CEP41: variants seen among roughly 807,000 people sequenced by gnomAD.
CEP41 encodes the protein centrosomal protein of 41 kDa.
Under a neutral mutation model 44.3 loss-of-function variants are expected in CEP41, and 32 were observed. The observed-to-expected ratio is 0.72, with a 90% confidence interval of 0.54 to 0.97. CEP41 has a LOEUF of 0.97. CEP41 is among the 50% of genes least tolerant of loss of function. CEP41 has a pLI of 0.00. For synonymous variants in CEP41, 151 were observed against 168.5 expected (o/e 0.90, Z 0.80); for missense variants, 432 against 455.2 (o/e 0.95, Z 0.46).
intron 2 of CEP41, chr7:130,421,103 AGAGGAAG>A (rs1797495298): frequency 1.0e-6 from 1 of 984,966 alleles, no homozygotes; most frequent in South Asian, 4.7e-5. Context: ...ATTAGAATCA[AGAGGAAG>A]AAACAACCCG....
chr7:130,411,146 C>G lies in CEP41; in HGVS notation c.253G>C (p.Ala85Pro), dbSNP rs946180222. ...CCTTCCAGCCTTTGAATCTCCTCAG[C>G]TGTCACTTCCAGTGTTTGATCAGAG... ...SLSDQTLEVT[A>P]EEIQRLEDND... Residue 85 changes from alanine to proline, a missense_variant, in exon 5 of 11, where the codon GCT becomes CCT. Ala to Pro is a conservative substitution (Grantham distance 27). Coordinates refer to ENST00000223208, the MANE Select transcript of CEP41 (RefSeq NM_018718.3). 9 of 1,614,124 alleles carry G rather than the reference C, an allele frequency of 5.6e-6. No individual in the cohort carries two copies. Among genetic ancestry groups the G allele is most frequent in the Non-Finnish European group, 6.8e-6 (8 of 1,179,966 alleles).
chr7:130,402,450 T>C (rs1400647913), intron 7 of CEP41, among the ~76,000 whole-genome samples, 198 bp downstream of exon 7: 1 of 152,180 alleles, frequency 6.6e-6, no homozygotes, highest in Non-Finnish European at 1.5e-5. Context: ...TCCCTGCTTC[T>C]GACAGCCATC....
chr7:130,434,541 A>G (rs1457146655), intron 1 of CEP41, among the ~76,000 whole-genome samples: 6 of 152,216 alleles, frequency 3.9e-5, no homozygotes, highest in Non-Finnish European at 8.8e-5. Context: ...AGGTAGTCAA[A>G]AACAACCTAA....
At chr7:130,404,525 A>G in intron 6 of CEP41, 39 bp downstream of exon 6, 1 of 1,591,210 alleles carries the variant, frequency 6.3e-7, no homozygotes, top group South Asian at 1.1e-5. Context: ...ATTAATATAA[A>G]GGCAAAATGC....
chr7:130,401,527 A>T (rs1457022127), intron 8 of CEP41, among the ~76,000 whole-genome samples: 1 of 152,170 alleles, frequency 6.6e-6, no homozygotes, highest in Non-Finnish European at 1.5e-5. Flanking sequence ...TTCTGCTTGT[A>T]TAATTTTTAT....
Position 130,411,243 on chromosome 7 carries a change from C to T in CEP41, c.208-52G>A, listed in dbSNP as rs540981873. ...GGATGTTTGTTTGTTTTTAAACAGA[C>T]GCAATTTTGTCTTTTACAAAAGACG... On this transcript the variant is annotated intron_variant, in intron 4 of 10. Coordinates refer to ENST00000223208, the MANE Select transcript of CEP41 (RefSeq NM_018718.3). 4.0e-5 allele frequency: 58 copies of T among 1,456,756 alleles called. No homozygotes were observed. In the Middle Eastern group the frequency reaches 6.9e-4, roughly 17 times the overall value. 90.2% of individuals were successfully genotyped at this position (1,456,756 alleles called of 1,614,324 possible).
intron 5 of CEP41, chr7:130,410,859 T>C: frequency 1.9e-6 from 1 of 531,246 alleles, no homozygotes; most frequent in Non-Finnish European, 3.4e-6. Flanking sequence ...GCTAAAAATA[T>C]TTGTTGAAAA....
chr7:130,422,931 T>C (rs1423911779), intron 2 of CEP41, among the ~76,000 whole-genome samples: 3 of 152,200 alleles, frequency 2.0e-5, no homozygotes, highest in Admixed American at 2.0e-4. Flanking sequence ...ATCCAGAATA[T>C]ATAAAACAAC....
chr7:130,436,155 A>C (rs970332385), intron 1 of CEP41, among the ~76,000 whole-genome samples: 6 of 152,220 alleles, frequency 3.9e-5, no homozygotes, highest in African/African-American at 9.7e-5. Flanking sequence ...CTCCGTCTCA[A>C]AAAACAAAAC....
chr7:130,434,944 A>T (rs1797920081), intron 1 of CEP41, among the ~76,000 whole-genome samples: 1 of 152,204 alleles, frequency 6.6e-6, no homozygotes, highest in African/African-American at 2.4e-5. Context: ...AAAACAAAAA[A>T]ACAAATAAAC....
chr7:130,404,719 C>CA lies in CEP41; in HGVS notation c.278-12dup. 1 of 1,597,654 alleles carries CA rather than the reference C, an allele frequency of 6.3e-7. No homozygotes were observed. The stretch of plus-strand genomic sequence containing the variant: ...CTGCAGAATCATTGTCTAATATTTA[C>CA]AAATGAAGAAATAATTAGATTGAAC... On this transcript the variant is annotated splice_polypyrimidine_tract_variant and intron_variant, in intron 5 of 10. Coordinates refer to ENST00000223208, the MANE Select transcript of CEP41 (RefSeq NM_018718.3).
At chr7:130,400,466 T>C in intron 9 of CEP41, 1 of 639,406 alleles carries the variant, frequency 1.6e-6, no homozygotes, top group Non-Finnish European at 2.8e-6. Context: ...CAAGAAATCC[T>C]TTTGCTCGAG....
rs1796602229 is a variant in CEP41, at chr7:130,394,385, T to A, written c.*4506A>T. The A allele has an allele frequency of 4.4e-6, 2 of 453,904 alleles. No homozygotes were observed. The highest frequency in any genetic ancestry group is 8.8e-6 in the Non-Finnish European group (2 of 226,778). 28.1% of individuals were successfully genotyped at this position (453,904 alleles called of 1,614,324 possible). ...ATGGGTCAAAACATATAATGAAGAA[T>A]CTAGGAGCAAAGTAAGCTCTCCACA... On this transcript the variant is annotated 3_prime_UTR_variant, in exon 11 of 11. Transcript: ENST00000223208.
At chr7:130,437,764 CAA>C (rs1171735164) in intron 1 of CEP41, among the ~76,000 whole-genome samples, 7 of 32,428 alleles carry the variant, frequency 2.2e-4, no homozygotes, top group Non-Finnish European at 3.6e-4. Context: ...AAGACTGTCT[CAA>C]AAAAAAAAAA....
At chr7:130,437,782 A>G (rs1417255846) in intron 1 of CEP41, among the ~76,000 whole-genome samples, 2 of 135,946 alleles carry the variant, frequency 1.5e-5, no homozygotes, top group South Asian at 2.3e-4. Context: ...AAAAAAAAAA[A>G]AAAAAAGAAA....
At chr7:130,405,723 T>G (rs1262572278) in intron 5 of CEP41, among the ~76,000 whole-genome samples, 2 of 152,232 alleles carry the variant, frequency 1.3e-5, no homozygotes, top group African/African-American at 4.8e-5. Flanking sequence ...ACAGTTACAC[T>G]GCAAGTGCCT....
intron 3 of CEP41, among the ~76,000 whole-genome samples, chr7:130,413,286 C>T (rs940238257): frequency 1.1e-4 from 16 of 152,220 alleles, no homozygotes; most frequent in East Asian, 3.9e-4. Context: ...CCAAAGCGTC[C>T]GGCCCCACCA....
At position 130,400,152 on chromosome 7, in the gene CEP41, G is replaced by T. The variant is rs2117552485; in HGVS notation, c.860C>A (p.Ser287Tyr). ...ALPPGSARKRSSPKGPPLPAE... is the reference protein window; with the variant it reads ...ALPPGSARKRYSPKGPPLPAE... ...TGGTAGGGGTGGCCCTTTGGGGCTG[G>T]ATCGTTTCCGGGCAGACCCAGGAGG... Residue 287 changes from serine (S) to tyrosine (Y), a missense_variant, in exon 10 of 11, where the codon TCC (serine) becomes TAC (tyrosine). By Grantham distance (144) the Ser-to-Tyr change is moderately radical. Transcript: ENST00000223208. 2 of 1,613,740 alleles carry T rather than the reference G, an allele frequency of 1.2e-6. No homozygotes were observed. The highest frequency in any genetic ancestry group is 2.2e-5 in the South Asian group (2 of 91,068).
At chr7:130,408,178 C>T (rs1413753489) in intron 5 of CEP41, among the ~76,000 whole-genome samples, 1 of 152,118 alleles carries the variant, frequency 6.6e-6, no homozygotes, top group African/African-American at 2.4e-5. Flanking sequence ...CATGTGCTTG[C>T]ATATATTTTA....
Sources: gnomAD v4.1 joint callset for allele counts (sites outside exome capture counted in the v4.1 genomes callset) on GRCh38, gnomAD v4.1.1 for gene constraint, MANE v1.5 for transcripts, NCBI Gene and HGNC (gene_info 2026-07-23, HGNC 2026-07-21) for gene names.